RPGRIP1: variants seen among roughly 807,000 people sequenced by gnomAD.
RPGRIP1 encodes the protein RPGR interacting protein 1.
Under a neutral mutation model 157.9 loss-of-function variants are expected in RPGRIP1, and 128 were observed. The observed-to-expected ratio is 0.81, with a 90% confidence interval of 0.70 to 0.94. RPGRIP1 has a LOEUF of 0.94. Among genes scored for constraint, RPGRIP1 ranks in the 40% least tolerant of loss-of-function variants. RPGRIP1 has a pLI of 0.00. For missense variants in RPGRIP1, 1,486 were observed against 1,545.8 expected, an observed-to-expected ratio of 0.96 and a Z score of 0.65; for synonymous variants, 554 against 571.6, an observed-to-expected ratio of 0.97 and a Z score of 0.44.
rs368149716 is a variant in RPGRIP1 at position 21,312,422 on chromosome 14, A to G, written c.1078-11A>G. 1.3e-5 allele frequency: 20 copies of G among 1,589,402 alleles called. No individual in the cohort carries two copies. In the African/African-American group the frequency reaches 2.3e-4, roughly 18 times the overall value. On this transcript the variant is annotated splice_polypyrimidine_tract_variant and intron_variant, in intron 9 of 24. Transcript: ENST00000400017. ...TTAACATTTTATCTCAAGGGCTACT[A>G]TCACTCTTAGTTTCAGGAGAGAGTT...
intron 2 of RPGRIP1, among the ~76,000 whole-genome samples, chr14:21,294,385 C>A (rs899738365): frequency 3.9e-5 from 6 of 151,914 alleles, no homozygotes; most frequent in Admixed American, 2.6e-4. Context: ...CACGTGCCAC[C>A]ACGCCCAGCT....
At chr14:21,313,727 G>A (rs1881641621) in intron 10 of RPGRIP1, among the ~76,000 whole-genome samples, 1 of 151,304 alleles carries the variant, frequency 6.6e-6, no homozygotes, top group African/African-American at 2.4e-5. Context: ...GGCGGAGGTT[G>A]CAGTGAGCTG....
intron 3 of RPGRIP1, among the ~76,000 whole-genome samples, chr14:21,297,375 G>A (rs1277390108): frequency 6.6e-6 from 1 of 152,124 alleles, no homozygotes; most frequent in African/African-American, 2.4e-5. Context: ...GATTACAGGT[G>A]TGAGCCACCG....
In RPGRIP1 at chr14:21,326,184, G is replaced by A. The variant is rs368181053; in HGVS notation, c.2710+11G>A. ...ATGAATCTATCAAAGGTGGGAGTTC[G>A]AGGTTATTACATCTTCACGCCCTCT... On this transcript the variant is annotated intron_variant, in intron 17 of 24. Coordinates refer to ENST00000400017, the MANE Select transcript of RPGRIP1 (RefSeq NM_020366.4). 582 of 1,537,586 alleles carry A rather than the reference G, an allele frequency of 3.8e-4. No homozygotes were observed. The highest frequency in any genetic ancestry group is 4.8e-4 in the Non-Finnish European group (542 of 1,136,206).
At chr14:21,326,649 C>T (rs898982521) in intron 17 of RPGRIP1, among the ~76,000 whole-genome samples, 51 of 152,200 alleles carry the variant, frequency 3.4e-4, no homozygotes, top group African/African-American at 1.2e-3. Context: ...GGATTACAGA[C>T]GTGAGCCACC....
chr14:21,329,808 CT>C (rs1167526710), intron 19 of RPGRIP1, among the ~76,000 whole-genome samples: 2 of 150,282 alleles, frequency 1.3e-5, no homozygotes, highest in East Asian at 4.1e-4. Flanking sequence ...CGAGTACTAA[CT>C]TTTAAAAATT....
At chr14:21,309,021 T>G (rs1881436516) in intron 7 of RPGRIP1, among the ~76,000 whole-genome samples, 1 of 152,204 alleles carries the variant, frequency 6.6e-6, no homozygotes, top group Non-Finnish European at 1.5e-5. Flanking sequence ...TCGCCATGTT[T>G]GGGTGGACCC....
At chr14:21,346,338 C>T (rs1415929529) in intron 23 of RPGRIP1, among the ~76,000 whole-genome samples, 1 of 151,972 alleles carries the variant, frequency 6.6e-6, no homozygotes, top group East Asian at 1.9e-4. Context: ...TCACTTGAGG[C>T]CAGGAGTTTG....
intron 23 of RPGRIP1, among the ~76,000 whole-genome samples, chr14:21,347,272 A>G (rs1408829433): frequency 6.6e-6 from 1 of 152,198 alleles, no homozygotes; most frequent in African/African-American, 2.4e-5. Flanking sequence ...TCTTTTTGAT[A>G]TTACTTAATT....
chr14:21,301,999 A>G (rs1881057352), intron 4 of RPGRIP1, among the ~76,000 whole-genome samples: 1 of 152,200 alleles, frequency 6.6e-6, no homozygotes, highest in South Asian at 2.1e-4. Flanking sequence ...ATCTACACAC[A>G]GCATTTCATT....
rs371994477 is a variant in RPGRIP1, at chr14:21,303,423, T to C, written c.680T>C (p.Met227Thr). The C allele has an allele frequency of 6.2e-7, 1 of 1,613,766 alleles. No homozygotes were observed. The highest frequency in any genetic ancestry group is 2.2e-5 in the East Asian group (1 of 44,898). ...GLCMPNSAHIMASNTMQVEEP... is the reference protein window; with the variant it reads ...GLCMPNSAHITASNTMQVEEP... ...TGCATGCCTAACAGTGCCCACATCA[T>C]GGCCAGCAATACCATGCAAGTGGAA... The change falls in exon 6 of 25, where the codon ATG becomes ACG. Residue 227 changes from methionine to threonine, a missense_variant. Physicochemically the swap from Met to Thr is moderately conservative, Grantham distance 81. Transcript: ENST00000400017.
chr14:21,293,927 C>T (rs1478270759), intron 2 of RPGRIP1, among the ~76,000 whole-genome samples: 1 of 150,920 alleles, frequency 6.6e-6, no homozygotes, highest in Non-Finnish European at 1.5e-5. Flanking sequence ...GTGGCAGGCA[C>T]CTGCAATCCC....
intron 10 of RPGRIP1, among the ~76,000 whole-genome samples, chr14:21,316,503 G>C (rs374714633): frequency 1.3e-5 from 2 of 151,876 alleles, no homozygotes; most frequent in African/African-American, 4.8e-5. Context: ...TGCAGTGTCC[G>C]CCTGCTGGGT....
intron 21 of RPGRIP1, among the ~76,000 whole-genome samples, chr14:21,341,067 AC>A (rs749488859): frequency 1.3e-5 from 2 of 151,274 alleles, no homozygotes; most frequent in African/African-American, 2.4e-5. Context: ...GTTTTTTGAG[AC>A]CCAGTCTCAC....
At chr14:21,317,473 G>A in intron 10 of RPGRIP1, 1 of 1,125,494 alleles carries the variant, frequency 8.9e-7, no homozygotes, top group Non-Finnish European at 1.2e-6. Flanking sequence ...TGCTCAGTCA[G>A]ATATCTGAGA....
Position 21,291,661 on chromosome 14 carries a change from A to T in RPGRIP1, c.86-3016A>T, listed in dbSNP as rs568085487. ...AGTGGTGCGATCTTGGCTTACTGCA[A>T]CCTCTGCCTCCCAAGGCTCAAGCGA... On this transcript the variant is annotated intron_variant, in intron 2 of 24. Transcript: ENST00000400017. Among the ~76,000 whole-genome samples the T allele has an allele frequency of 1.4e-3, 206 of 151,974 alleles. 1 individual carries two copies. Among genetic ancestry groups the T allele is most frequent in the Non-Finnish European group, 2.5e-3 (172 of 67,968 alleles).
chr14:21,292,464 T>C (rs1441529416), intron 2 of RPGRIP1, among the ~76,000 whole-genome samples: 1 of 152,190 alleles, frequency 6.6e-6, no homozygotes, highest in East Asian at 1.9e-4. Flanking sequence ...CTCATGCCTG[T>C]AATCTCAGCA....
chr14:21,336,191 G>A (rs1320613420), intron 21 of RPGRIP1, among the ~76,000 whole-genome samples: 1 of 152,132 alleles, frequency 6.6e-6, no homozygotes, highest in African/African-American at 2.4e-5. Context: ...ATATTGGAGT[G>A]AGGAGAAAAA....
chr14:21,330,777 A>T (rs1883687817), intron 20 of RPGRIP1, among the ~76,000 whole-genome samples: 1 of 152,150 alleles, frequency 6.6e-6, no homozygotes, highest in South Asian at 2.1e-4. Flanking sequence ...TTTCATGGAA[A>T]ATTAGTATGT....
Sources: gnomAD v4.1 joint callset for allele counts (sites outside exome capture counted in the v4.1 genomes callset) on GRCh38, gnomAD v4.1.1 for gene constraint, MANE v1.5 for transcripts, NCBI Gene and HGNC (gene_info 2026-07-23, HGNC 2026-07-21) for gene names.